NXF1: variants seen among roughly 807,000 people sequenced by gnomAD.
NXF1 encodes nuclear RNA export factor 1, also known as mRNA export factor TAP.
NXF1 carries 43 observed loss-of-function variants against 92.4 expected under a neutral mutation model. That is an observed-to-expected ratio of 0.47 (90% CI 0.36 to 0.60). The LOEUF (loss-of-function observed/expected upper bound fraction) is 0.60, where lower values mean the gene tolerates loss of function less well. NXF1 is among the 20% of genes least tolerant of loss of function. The probability of loss-of-function intolerance (pLI) is 0.00; values close to 1 mark genes in which losing one functional copy is unlikely to be tolerated. For synonymous variants in NXF1, 288 were observed against 292.2 expected, an observed-to-expected ratio of 0.99 and a Z score of 0.15; for missense variants, 576 against 793.0, an observed-to-expected ratio of 0.73 and a Z score of 3.29.
Position 62,794,915 on chromosome 11 carries a change from G to T in NXF1, c.1577+20C>A. 6.2e-7 allele frequency: 1 copy of T among 1,612,038 alleles called. No individual in the cohort carries two copies. Among genetic ancestry groups the T allele is most frequent in the South Asian group, 1.1e-5 (1 of 91,032 alleles). ...CCATGGATTAGGACTGGTATCCAAT[G>T]CGAAAAGCAGAATACTTACCCTGAA... On this transcript the variant is annotated intron_variant, in intron 18 of 20. Transcript: ENST00000294172.
At chr11:62,798,618 C>G in intron 10 of NXF1, 43 bp from the exon 11 acceptor site, 1 of 1,612,640 alleles carries the variant, frequency 6.2e-7, no homozygotes, top group Non-Finnish European at 8.5e-7. Flanking sequence ...TCAGAGCCAC[C>G]GTGCCTCCTG....
In NXF1 at chr11:62,792,467, T is replaced by A. The variant is rs1467727662; in HGVS notation, c.*9A>T. ...TACAGGGGGGACTGCTTCTGAGGCATGACTACGATCACTTCATGAATGCCA... is the reference window on the plus strand; with the variant it reads ...TACAGGGGGGACTGCTTCTGAGGCAAGACTACGATCACTTCATGAATGCCA... On this transcript the variant is annotated 3_prime_UTR_variant, in exon 21 of 21. Transcript: ENST00000294172. 6.2e-7 allele frequency: 1 copy of A among 1,614,214 alleles called. No individual in the cohort carries two copies. The highest frequency in any genetic ancestry group is 1.7e-5 in the Admixed American group (1 of 60,020).
chr11:62,798,447 AAAAGAAAAAG>A, intron 11 of NXF1, 82 bp downstream of exon 11: 1 of 1,533,852 alleles, frequency 6.5e-7, no homozygotes, highest in Non-Finnish European at 8.8e-7. Flanking sequence ...AAAAAAAAAA[AAAAGAAAAAG>A]AAAAAGAAAA....
intron 1 of NXF1, chr11:62,805,019 C>T (rs1565202985): frequency 9.8e-6 from 3 of 306,576 alleles, no homozygotes; most frequent in Middle Eastern, 9.0e-4. Context: ...GGCACTCACT[C>T]ACATTAAAGG....
At chr11:62,797,577 G>A (rs1448304618) in intron 11 of NXF1, among the ~76,000 whole-genome samples, 191 bp from the exon 12 acceptor site, 3 of 152,102 alleles carry the variant, frequency 2.0e-5, no homozygotes, top group African/African-American at 2.4e-5. Flanking sequence ...ATGGTGGTGC[G>A]TGCCTGGAGT....
At position 62,805,417 on chromosome 11, in the gene NXF1, C is replaced by T. The variant is rs548623502; in HGVS notation, c.-61G>A. 38 of 1,604,910 alleles carry T rather than the reference C, an allele frequency of 2.4e-5. No homozygotes were observed. The highest frequency in any genetic ancestry group is 8.5e-5 in the Admixed American group (5 of 58,836). On this transcript the variant is annotated 5_prime_UTR_variant, in exon 1 of 21. Transcript: ENST00000294172. ...GCCGCTACGCCGGCAAACAACCTAA[C>T]TCCCAAGCGCTCAGGACCGAAGTGT... is the stretch of plus-strand genomic sequence containing the variant.
rs766585369 is a variant in NXF1, at chr11:62,795,022, G to A, written c.1505-15C>T. 4.0e-5 allele frequency: 64 copies of A among 1,612,666 alleles called. No homozygotes were observed. The highest frequency in any genetic ancestry group is 5.2e-5 in the Non-Finnish European group (61 of 1,178,786). On this transcript the variant is annotated splice_polypyrimidine_tract_variant and intron_variant, in intron 17 of 20. Coordinates refer to ENST00000294172, the MANE Select transcript of NXF1 (RefSeq NM_006362.5). ...CTTTCCGTCCACTGCAATAAGAACA[G>A]CAACAACACCTTAGGGTCACTAGTG...
rs2084502521 is a variant in NXF1 at position 62,803,557 on chromosome 11, G to A, written c.231C>T (p.Thr77=). The A allele has an allele frequency of 6.2e-7, 1 of 1,613,914 alleles. No individual in the cohort carries two copies. Among genetic ancestry groups the A allele is most frequent in the South Asian group, 1.1e-5 (1 of 91,064 alleles). The change falls in exon 3 of 21, where the codon ACC becomes ACT. Residue 77 remains threonine, a synonymous_variant. Coordinates refer to ENST00000294172, the MANE Select transcript of NXF1 (RefSeq NM_006362.5). ...AAGTATCACCCCGACGGTTAGGTCG[G>A]GTGGTATAGGGGTTGCTGTGGGTAA... The part of the protein sequence containing the change: ...GPRVRYNPYT[T]RPNRRGDTWH...
In NXF1 at chr11:62,804,077, C is replaced by A. The variant is rs763326880; in HGVS notation, c.29-99G>T. The stretch of plus-strand genomic sequence containing the variant: ...GTACTCTGAACTATTGGAAGAGATA[C>A]ATACTAACGACAGAGGCCATCTCCA... On this transcript the variant is annotated intron_variant, in intron 1 of 20. Coordinates refer to ENST00000294172, the MANE Select transcript of NXF1 (RefSeq NM_006362.5). The A allele has an allele frequency of 3.8e-6, 6 of 1,596,278 alleles. No homozygotes were observed. The Admixed American group carries it at 1.0e-4, about 27-fold the overall frequency.
At position 62,792,657 on chromosome 11, in the gene NXF1, G is replaced by A; in HGVS notation, c.1805C>T (p.Ala602Val). Reference sequence around the variant, plus strand: ...AGACCTTACCTTGAGATGAGTGAAGGCCTGGGCAGATCTGGTGTAGTCCCA... The same window carrying A: ...AGACCTTACCTTGAGATGAGTGAAGACCTGGGCAGATCTGGTGTAGTCCCA... ...NNWDYTRSAQ[A>V]FTHLKAKGEI... is the part of the protein sequence containing the mutation. Residue 602 changes from alanine (A) to valine (V), a missense_variant, in exon 20 of 21, where the codon GCC (alanine) becomes GTC (valine). Physicochemically the swap from Ala to Val is moderately conservative, Grantham distance 64. Coordinates refer to ENST00000294172, the MANE Select transcript of NXF1 (RefSeq NM_006362.5). 2 of 1,614,148 alleles carry A rather than the reference G, an allele frequency of 1.2e-6. No individual in the cohort carries two copies. The highest frequency in any genetic ancestry group is 1.7e-6 in the Non-Finnish European group (2 of 1,180,034).
At chr11:62,803,602 C>T (rs201179821) in intron 2 of NXF1, 30 bp from the exon 3 acceptor site, 80 of 1,613,250 alleles carry the variant, frequency 5.0e-5, no homozygotes, top group Middle Eastern at 3.3e-4. Context: ...AAAATGACCA[C>T]AAATGCTAGG....
Position 62,797,328 on chromosome 11 carries a change from G to A in NXF1, c.1112C>T (p.Pro371Leu), listed in dbSNP as rs369101376. 1.2e-5 allele frequency: 19 copies of A among 1,614,004 alleles called. No homozygotes were observed. The Middle Eastern group carries it at 6.6e-4, about 56-fold the overall frequency. The change falls in exon 12 of 21, where the codon CCG (proline) becomes CTG (leucine). Residue 371 changes from proline (P) to leucine (L), a missense_variant. Physicochemically the swap from Pro to Leu is moderately conservative, Grantham distance 98. This residue lies in a region of NXF1 where 425 missense variants were observed against 635.2 expected (regional missense o/e 0.67). Coordinates refer to ENST00000294172, the MANE Select transcript of NXF1 (RefSeq NM_006362.5). Reference sequence around the variant, plus strand: ...GTCCATGCTTCCTACCTTGCAGGGCGGTAACGTCGTGGGGGCTTCAACATC... The same window carrying A: ...GTCCATGCTTCCTACCTTGCAGGGCAGTAACGTCGTGGGGGCTTCAACATC... ...AFDVEAPTTL[P>L]PCKGSYFGTE... is the part of the protein sequence containing the mutation.
intron 3 of NXF1, 125 bp from the exon 4 acceptor site, chr11:62,802,385 G>T: frequency 1.4e-6 from 1 of 702,426 alleles, no homozygotes; most frequent in Non-Finnish European, 2.4e-6. Context: ...CCAGTACTAG[G>T]TTTTCTACTT....
intron 10 of NXF1, chr11:62,798,831 C>T (rs1372591910): frequency 2.3e-6 from 3 of 1,300,098 alleles, no homozygotes; most frequent in East Asian, 6.2e-5. Context: ...ACTCCAAGCC[C>T]AGGCTTTAAG....
At chr11:62,796,663 A>C (rs759074577) in intron 13 of NXF1, 96 bp from the exon 14 acceptor site, 69 of 790,484 alleles carry the variant, frequency 8.7e-5, no homozygotes, top group Non-Finnish European at 1.4e-4. Context: ...CGGGCATGGA[A>C]GCTCATGCCT....
chr11:62,799,800 C>T, intron 10 of NXF1: 2 of 985,966 alleles, frequency 2.0e-6, no homozygotes. Context: ...CAGCTCATAG[C>T]ACTGGGCAAG....
At chr11:62,796,647 T>G in intron 13 of NXF1, 80 bp from the exon 14 acceptor site, 1 of 939,056 alleles carries the variant, frequency 1.1e-6, no homozygotes, top group Non-Finnish European at 1.7e-6. Flanking sequence ...AAGAGTGAGT[T>G]GTGGCCGGGC....
chr11:62,801,255 G>A (rs1013344242), intron 8 of NXF1, 54 bp from the exon 9 acceptor site: 35 of 1,602,130 alleles, frequency 2.2e-5, no homozygotes, highest in Admixed American at 1.3e-4. Flanking sequence ...GATCAGAGAC[G>A]AATCTGCCCT....
intron 11 of NXF1, among the ~76,000 whole-genome samples, chr11:62,798,150 G>C (rs1376057657): frequency 6.6e-6 from 1 of 150,706 alleles, no homozygotes; most frequent in African/African-American, 2.4e-5. Flanking sequence ...AAAAGGGCCT[G>C]GTGCGAGTGG....
Sources: gnomAD v4.1 joint callset for allele counts (sites outside exome capture counted in the v4.1 genomes callset) on GRCh38, gnomAD v4.1.1 for gene constraint, gnomAD v4.1.1 regional missense constraint, MANE v1.5 for transcripts, NCBI Gene and HGNC (gene_info 2026-07-23, HGNC 2026-07-21) for gene names.